The following RAD50 variants were observed in gnomAD, a reference collection of about 807,000 sequenced individuals.
RAD50 encodes DNA repair protein RAD50.
Under a neutral mutation model 168.8 loss-of-function variants are expected in RAD50, and 132 were observed. That is an observed-to-expected ratio of 0.78 (90% CI 0.68 to 0.90). The LOEUF (loss-of-function observed/expected upper bound fraction) is 0.90, where lower values mean the gene tolerates loss of function less well. RAD50 is among the 40% of genes least tolerant of loss of function. The probability of loss-of-function intolerance (pLI) is 0.00; values close to 1 mark genes in which losing one functional copy is unlikely to be tolerated. For synonymous variants in RAD50, 525 were observed against 497.4 expected (o/e 1.06, Z -0.74); for missense variants, 1,347 against 1,534.4 (o/e 0.88, Z 2.04).
chr5:132,618,217 T>C lies in RAD50; in HGVS notation c.3312T>C (p.Tyr1104=). 6.2e-7 allele frequency: 1 copy of C among 1,614,052 alleles called. No individual in the cohort carries two copies. The highest frequency in any genetic ancestry group is 8.5e-7 in the Non-Finnish European group (1 of 1,179,970). ...AATTTCGGGATGCTGAGGAAAAGTA[T>C]AGAGAAATGATGATTGTTATGAGGA... is the stretch of plus-strand genomic sequence containing the variant. ...EPQFRDAEEK[Y]REMMIVMRTT... The change falls in exon 21 of 25, where the codon TAT becomes TAC. Residue 1104 remains tyrosine (Y), a synonymous_variant. Transcript: ENST00000378823.
At chr5:132,597,431 C>G (rs556005464) in intron 13 of RAD50, among the ~76,000 whole-genome samples, 2 of 152,288 alleles carry the variant, frequency 1.3e-5, no homozygotes, top group South Asian at 4.1e-4. Context: ...TTCTTCTGTT[C>G]TCGCAATGTG....
intron 13 of RAD50, among the ~76,000 whole-genome samples, chr5:132,597,154 T>G (rs1271887409): frequency 6.6e-6 from 1 of 151,996 alleles, no homozygotes; most frequent in Non-Finnish European, 1.5e-5. Context: ...TGAGAAAAGC[T>G]CAGGAAGCAG....
chr5:132,591,059 T>C (rs1750688235), intron 9 of RAD50, among the ~76,000 whole-genome samples, 165 bp from the exon 10 acceptor site: 1 of 152,200 alleles, frequency 6.6e-6, no homozygotes, highest in Admixed American at 6.5e-5. Context: ...TAATAAGATA[T>C]ACCTTAGAGC....
chr5:132,619,783 C>CCTCTCTCTCTCTCTCTCTCTCTCTCT (rs550575815), intron 21 of RAD50, among the ~76,000 whole-genome samples: 3 of 125,722 alleles, frequency 2.4e-5, no homozygotes, highest in African/African-American at 1.1e-4. Context: ...CTTCCCTACT[C>CCTCTCTCTCTCTCTCTCTCTCTCTCT]CTCTCTCTCT....
Position 132,557,198 on chromosome 5 carries a change from C to T in RAD50, c.-127C>T. The T allele has an allele frequency of 7.4e-7, 1 of 1,343,488 alleles. No individual in the cohort carries two copies. The highest frequency in any genetic ancestry group is 1.1e-6 in the Non-Finnish European group (1 of 944,048). 83.2% of individuals were successfully genotyped at this position (1,343,488 alleles called of 1,614,324 possible). ...GGATCTTTTGGCAGTCCTGTGGCCT[C>T]GCTCCCCGCCCGGATCCTCCTGACC... On this transcript the variant is annotated 5_prime_UTR_variant, in exon 1 of 25. Coordinates refer to ENST00000378823, the MANE Select transcript of RAD50 (RefSeq NM_005732.4).
Position 132,643,734 on chromosome 5 carries a change from G to GGGGGGGGCCC in RAD50, c.*1370_*1371insGGGGGGGCCC. On this transcript the variant is annotated 3_prime_UTR_variant, in exon 25 of 25. Transcript: ENST00000378823. ...GGGGGTGGTGGTGGGGTGGGGGGGG[G>GGGGGGGGCCC]TCCTAAATGTAATCACGAGTAAGAT... 5.6e-6 allele frequency: 1 copy of GGGGGGGGCCC among 177,114 alleles called. No homozygotes were observed. The highest frequency in any genetic ancestry group is 1.2e-5 in the Non-Finnish European group (1 of 84,832). 11.0% of individuals were successfully genotyped at this position (177,114 alleles called of 1,614,324 possible). A position where few individuals can be genotyped will look rare whatever the true frequency, so the allele number is the denominator to read the frequency against.
chr5:132,557,088 C>A lies in RAD50; in HGVS notation c.-237C>A. ...GGCAGCCCCAGGCTGGTCCCCGCCT[C>A]CGCTCTCCCCACCGGCGGGGAAAGC... On this transcript the variant is annotated 5_prime_UTR_variant, in exon 1 of 25. Transcript: ENST00000378823. 1.5e-6 allele frequency: 1 copy of A among 673,384 alleles called. No homozygotes were observed. Among genetic ancestry groups the A allele is most frequent in the South Asian group, 1.9e-5 (1 of 53,058 alleles). 41.7% of individuals were successfully genotyped at this position (673,384 alleles called of 1,614,324 possible).
intron 1 of RAD50, among the ~76,000 whole-genome samples, chr5:132,557,818 T>C (rs1055902788): frequency 6.6e-6 from 1 of 152,232 alleles, no homozygotes; most frequent in African/African-American, 2.4e-5. Context: ...AGTTGTCCCA[T>C]ACAAGAATTC....
chr5:132,604,136 A>G lies in RAD50; in HGVS notation c.2524+90A>G. 2.0e-6 allele frequency: 3 copies of G among 1,490,634 alleles called. No homozygotes were observed. In the South Asian group the frequency reaches 3.5e-5, roughly 17 times the overall value. The allele number at this position is 1,490,634 out of a possible 1,614,324, so 92.3% of individuals were successfully genotyped here. A position where few individuals can be genotyped will look rare whatever the true frequency, so the allele number is the denominator to read the frequency against. On this transcript the variant is annotated intron_variant, in intron 15 of 24. Transcript: ENST00000378823. ...AGTCAATTTTATATCTGTTACATGG[A>G]CAACGAAGTTCCTTCCTGTCCACAT...
At chr5:132,607,175 C>A (rs1308263629) in intron 16 of RAD50, among the ~76,000 whole-genome samples, 1 of 152,154 alleles carries the variant, frequency 6.6e-6, no homozygotes, top group Non-Finnish European at 1.5e-5. Flanking sequence ...TAAGGAAGAA[C>A]TGGCTGCCTG....
intron 8 of RAD50, 147 bp from the exon 9 acceptor site, chr5:132,589,484 G>T (rs1332052076): frequency 6.4e-6 from 4 of 624,564 alleles, no homozygotes; most frequent in Non-Finnish European, 1.1e-5. Flanking sequence ...ATTGCCTAAT[G>T]ATGCATTTCT....
chr5:132,568,000 A>G (rs1381959573), intron 2 of RAD50, among the ~76,000 whole-genome samples: 2 of 152,198 alleles, frequency 1.3e-5, no homozygotes, highest in Non-Finnish European at 2.9e-5. Context: ...TGAGAAGGGA[A>G]AAGTGAGTAG....
chr5:132,562,385 C>T (rs1478140815), intron 2 of RAD50, among the ~76,000 whole-genome samples: 1 of 151,970 alleles, frequency 6.6e-6, no homozygotes, highest in African/African-American at 2.4e-5. Context: ...ATATAGGTGG[C>T]TTCATTAAGG....
Position 132,557,298 on chromosome 5 carries a change from C to T in RAD50, c.-27C>T, listed in dbSNP as rs2149830027. On this transcript the variant is annotated 5_prime_UTR_variant, in exon 1 of 25. Coordinates refer to ENST00000378823, the MANE Select transcript of RAD50 (RefSeq NM_005732.4). ...TTAAGCCTTTGTGGGCTCCAGGTCC[C>T]TGGTGAGATTAGAAACGTTTGCAAA... The T allele has an allele frequency of 6.2e-7, 1 of 1,613,668 alleles. No homozygotes were observed. Among genetic ancestry groups the T allele is most frequent in the Non-Finnish European group, 8.5e-7 (1 of 1,179,532 alleles).
chr5:132,637,283 A>T (rs1363474456), intron 22 of RAD50, 83 bp downstream of exon 22: 1 of 1,547,720 alleles, frequency 6.5e-7, no homozygotes, highest in Non-Finnish European at 8.8e-7. Context: ...TCATGCCAGC[A>T]TTACCTCCCT....
chr5:132,646,207 A>G lies in RAD50; in HGVS notation c.*3843A>G, dbSNP rs796707621. 3 of 151,952 alleles carry G rather than the reference A, an allele frequency of 2.0e-5. No homozygotes were observed. Among genetic ancestry groups the G allele is most frequent in the South Asian group, 4.1e-4 (2 of 4,822 alleles). The allele number at this position is 151,952 out of a possible 1,614,324, so 9.4% of individuals were successfully genotyped here. A position where few individuals can be genotyped will look rare whatever the true frequency, so the allele number is the denominator to read the frequency against. On this transcript the variant is annotated 3_prime_UTR_variant, in exon 25 of 25. Coordinates refer to ENST00000378823, the MANE Select transcript of RAD50 (RefSeq NM_005732.4). ...CTGACCACTCCTACAACCACCATCTATACACTGATAACTCATAAATGTTTG... is the reference window on the plus strand; with the variant it reads ...CTGACCACTCCTACAACCACCATCTGTACACTGATAACTCATAAATGTTTG...
chr5:132,577,765 C>G (rs1750423622), intron 3 of RAD50, among the ~76,000 whole-genome samples: 1 of 150,456 alleles, frequency 6.6e-6, no homozygotes. Flanking sequence ...ACCTCTGTTT[C>G]CAGACCCATT....
chr5:132,642,174 G>A lies in RAD50; in HGVS notation c.3753-4G>A. Reference sequence around the variant, plus strand: ...AATAATATGTTCTGAATATATTGTTGCAGGATAATAAAAAGTCGCTCACAG... The same window carrying A: ...AATAATATGTTCTGAATATATTGTTACAGGATAATAAAAAGTCGCTCACAG... On this transcript the variant is annotated splice_region_variant and splice_polypyrimidine_tract_variant and intron_variant, in intron 24 of 24. Transcript: ENST00000378823. 6.2e-7 allele frequency: 1 copy of A among 1,612,744 alleles called. No individual in the cohort carries two copies. The highest frequency in any genetic ancestry group is 8.5e-7 in the Non-Finnish European group (1 of 1,178,728).
At chr5:132,624,666 A>G (rs1330592034) in intron 21 of RAD50, among the ~76,000 whole-genome samples, 1 of 152,092 alleles carries the variant, frequency 6.6e-6, no homozygotes, top group Non-Finnish European at 1.5e-5. Flanking sequence ...TGGGAGTCCA[A>G]AGTGGGTGGA....
Sources: gnomAD v4.1 joint callset for allele counts (sites outside exome capture counted in the v4.1 genomes callset) on GRCh38, gnomAD v4.1.1 for gene constraint, MANE v1.5 for transcripts, NCBI Gene and HGNC (gene_info 2026-07-23, HGNC 2026-07-21) for gene names.